Variants in SPAG16 observed in about 807,000 individuals in gnomAD.
The protein encoded by SPAG16 is sperm associated antigen 16, also known as sperm-associated antigen 16 protein.
Under a neutral mutation model 80.4 loss-of-function variants are expected in SPAG16, and 86 were observed. The observed-to-expected ratio is 1.07, with a 90% CI of 0.90 to 1.28. The LOEUF is 1.28. Among genes scored for constraint, SPAG16 ranks in the 50% most tolerant of loss-of-function variants. The pLI is 0.00. For missense variants in SPAG16, 870 were observed against 765.3 expected (o/e 1.14, Z -1.61); for synonymous variants, 294 against 265.9 (o/e 1.11, Z -1.03).
chr2:213,565,733 G>C (rs1011998609), intron 10 of SPAG16, among the ~76,000 whole-genome samples: 2 of 152,210 alleles, frequency 1.3e-5, no homozygotes, highest in African/African-American at 4.8e-5. Flanking sequence ...TAGGAGTTAA[G>C]AATCAACTAG....
intron 10 of SPAG16, among the ~76,000 whole-genome samples, chr2:213,755,940 A>G (rs1237672057): frequency 1.3e-5 from 2 of 152,214 alleles, no homozygotes; most frequent in Non-Finnish European, 2.9e-5. Flanking sequence ...GCATTTAACC[A>G]TCTAAATATA....
chr2:213,983,934 TG>T (rs1351023839), intron 12 of SPAG16, among the ~76,000 whole-genome samples: 20 of 152,078 alleles, frequency 1.3e-4, no homozygotes, highest in African/African-American at 4.6e-4. Flanking sequence ...TATAAATTCC[TG>T]CCCTTATCAT....
intron 13 of SPAG16, among the ~76,000 whole-genome samples, chr2:214,023,671 A>G (rs1186069612): frequency 6.6e-6 from 1 of 151,982 alleles, no homozygotes; most frequent in East Asian, 1.9e-4. Context: ...TTAATATGCT[A>G]TAAGGCTTTC....
In SPAG16 at chr2:213,898,581, T is replaced by G. The variant is rs535085977; in HGVS notation, c.1215-31379T>G. Among the ~76,000 whole-genome samples, 8 of 152,328 alleles carry G rather than the reference T, an allele frequency of 5.3e-5. No homozygotes were observed. In the South Asian group the frequency reaches 1.2e-3, roughly 24 times the overall value. The stretch of plus-strand genomic sequence containing the variant: ...GTTCTCCCAGAAAGACCAACAAAGT[T>G]TTAATGATTATAAAATCTTTGTCAG... On this transcript the variant is annotated intron_variant, in intron 11 of 15. Coordinates refer to ENST00000331683, the MANE Select transcript of SPAG16 (RefSeq NM_024532.5).
intron 12 of SPAG16, among the ~76,000 whole-genome samples, chr2:213,961,153 G>A (rs778618720): frequency 7.2e-5 from 11 of 152,134 alleles, no homozygotes; most frequent in African/African-American, 9.7e-5. Context: ...CTTCTAGTGC[G>A]ATTACAATTG....
chr2:213,803,055 G>A (rs1260581822), intron 10 of SPAG16, among the ~76,000 whole-genome samples: 1 of 151,986 alleles, frequency 6.6e-6, no homozygotes, highest in African/African-American at 2.4e-5. Context: ...ATCTGTCTAT[G>A]AAGTAGATAT....
At chr2:214,356,664 C>T (rs1032202316) in intron 15 of SPAG16, among the ~76,000 whole-genome samples, 5 of 151,822 alleles carry the variant, frequency 3.3e-5, no homozygotes, top group African/African-American at 7.3e-5. Flanking sequence ...AAACATTTAC[C>T]GTAAAGATAA....
Position 213,316,100 on chromosome 2 carries a change from A to G in SPAG16, c.399-1119A>G, listed in dbSNP as rs1457397110. On this transcript the variant is annotated intron_variant, in intron 4 of 15. Coordinates refer to ENST00000331683, the MANE Select transcript of SPAG16 (RefSeq NM_024532.5). Reference sequence around the variant, plus strand: ...TCCTGAACTCTGAACATGTATACTCAACGTTTGTCTTCACTTAAATGTCTG... The same window carrying G: ...TCCTGAACTCTGAACATGTATACTCGACGTTTGTCTTCACTTAAATGTCTG... Among the ~76,000 whole-genome samples the G allele has an allele frequency of 2.0e-5, 3 of 152,076 alleles. No homozygotes were observed. The East Asian group carries it at 5.8e-4, about 29-fold the overall frequency.
intron 15 of SPAG16, among the ~76,000 whole-genome samples, chr2:214,375,373 G>A (rs1336419849): frequency 6.6e-6 from 1 of 152,058 alleles, no homozygotes; most frequent in African/African-American, 2.4e-5. Context: ...TTACGAAGTA[G>A]GGCAAAAATT....
chr2:214,104,113 G>A (rs1034116096), intron 13 of SPAG16, among the ~76,000 whole-genome samples: 1 of 152,124 alleles, frequency 6.6e-6, no homozygotes, highest in South Asian at 2.1e-4. Context: ...CTCCCCAGGG[G>A]TCTCTATCTT....
chr2:213,445,087 A>G lies in SPAG16; in HGVS notation c.943-44876A>G, dbSNP rs140135617. Among the ~76,000 whole-genome samples the G allele has an allele frequency of 7.2e-5, 11 of 152,308 alleles. 1 individual carries two copies. Among genetic ancestry groups the G allele is most frequent in the African/African-American group, 2.6e-4 (11 of 41,570 alleles). ...CCCCTGTCTCTCACCATATATAAAAATCAAATTAAGGACAGGCACAGTAAT... is the reference window on the plus strand; with the variant it reads ...CCCCTGTCTCTCACCATATATAAAAGTCAAATTAAGGACAGGCACAGTAAT... On this transcript the variant is annotated intron_variant, in intron 9 of 15. Transcript: ENST00000331683.
At chr2:213,875,920 A>G (rs537939502) in intron 11 of SPAG16, among the ~76,000 whole-genome samples, 1 of 151,156 alleles carries the variant, frequency 6.6e-6, no homozygotes, top group Non-Finnish European at 1.5e-5. Flanking sequence ...TTAAATATTA[A>G]CCAGAACATT....
At chr2:213,647,850 C>T (rs113168516) in intron 10 of SPAG16, among the ~76,000 whole-genome samples, 9 of 152,272 alleles carry the variant, frequency 5.9e-5, no homozygotes, top group African/African-American at 2.2e-4. Flanking sequence ...TTCTTCAGGA[C>T]TAAACGAGAC....
In SPAG16 at chr2:214,305,417, T is replaced by C. The variant is rs541796577; in HGVS notation, c.1721-104723T>C. 5.0e-4 allele frequency among the ~76,000 whole-genome samples: 76 copies of C among 152,368 alleles called. No homozygotes were observed. In the South Asian group the frequency reaches 9.1e-3, roughly 18 times the overall value. On this transcript the variant is annotated intron_variant, in intron 15 of 15. Coordinates refer to ENST00000331683, the MANE Select transcript of SPAG16 (RefSeq NM_024532.5). ...AACTTTTTCATTTTGTTGCAATTGC[T>C]TTTGGTGTCTTCATCATGAAATCTT...
chr2:213,957,017 C>G (rs2044180561), intron 12 of SPAG16, among the ~76,000 whole-genome samples: 1 of 152,024 alleles, frequency 6.6e-6, no homozygotes, highest in Non-Finnish European at 1.5e-5. Flanking sequence ...TCTTTTAAAT[C>G]TATTGAGATT....
intron 12 of SPAG16, among the ~76,000 whole-genome samples, chr2:213,945,151 G>GAT (rs1010862229): frequency 8.7e-5 from 13 of 149,364 alleles, no homozygotes; most frequent in East Asian, 7.9e-4. Context: ...GAACTAATAG[G>GAT]ATATATATAT....
chr2:214,253,349 T>C (rs374295806), intron 15 of SPAG16, among the ~76,000 whole-genome samples: 16 of 152,172 alleles, frequency 1.1e-4, no homozygotes, highest in African/African-American at 3.4e-4. Flanking sequence ...TGCCATTGCT[T>C]TTGGTGTTTT....
chr2:214,114,689 C>T (rs555030831), intron 14 of SPAG16, among the ~76,000 whole-genome samples: 18 of 152,268 alleles, frequency 1.2e-4, no homozygotes, highest in African/African-American at 2.9e-4. Context: ...GGGAGTGTCC[C>T]GTTTTTCCAG....
chr2:214,029,725 G>A lies in SPAG16; in HGVS notation c.1527+15648G>A, dbSNP rs2048318561. 2.0e-5 allele frequency among the ~76,000 whole-genome samples: 3 copies of A among 152,022 alleles called. No individual in the cohort carries two copies. The South Asian group carries it at 6.2e-4, about 32-fold the overall frequency. ...CTCTATGCCTTTCCCTACTAATTCA[G>A]CCTTCAAAGAAGCGACAAATTACTC... On this transcript the variant is annotated intron_variant, in intron 13 of 15. Transcript: ENST00000331683.
Sources: allele counts gnomAD v4.1 joint callset (sites outside exome capture counted in the v4.1 genomes callset), GRCh38; gene constraint gnomAD v4.1.1; transcripts MANE v1.5; gene names NCBI Gene and HGNC (gene_info 2026-07-23, HGNC 2026-07-21).